The following NBEAL1 variants were observed in gnomAD, a reference collection of about 807,000 sequenced individuals.
NBEAL1 encodes the protein neurobeachin-like protein 1.
Under a neutral mutation model 351.3 loss-of-function variants are expected in NBEAL1, and 273 were observed. The ratio of observed to expected loss-of-function variants is 0.78; its 90% confidence interval spans 0.70 to 0.86. NBEAL1 has a LOEUF of 0.86. NBEAL1 is among the 40% of genes least tolerant of loss of function. The pLI is 0.00. For synonymous variants in NBEAL1, 1,050 were observed against 1,086.4 expected (o/e 0.97, Z 0.66); for missense variants, 2,961 against 3,201.3 (o/e 0.92, Z 1.81).
At chr2:203,097,481 T>G in intron 10 of NBEAL1, 66 bp from the exon 11 acceptor site, 3 of 580,538 alleles carry the variant, frequency 5.2e-6, no homozygotes, top group Non-Finnish European at 6.5e-6. Context: ...CATTTAAGCT[T>G]CATTGCTGCT....
intron 38 of NBEAL1, among the ~76,000 whole-genome samples, chr2:203,167,744 A>G (rs918592199): frequency 1.3e-5 from 2 of 152,222 alleles, no homozygotes; most frequent in East Asian, 1.9e-4. Flanking sequence ...TGTTAAGTGC[A>G]TATGCTCTAA....
In NBEAL1 at chr2:203,202,569, A is replaced by G; in HGVS notation, c.7412-118A>G. ...AATGCTTTTCCAGTACCATGTCTAC[A>G]TTCCTCCCTGTTGGCATAACTGATT... On this transcript the variant is annotated intron_variant, in intron 50 of 55. Coordinates refer to ENST00000683969, the MANE Select transcript of NBEAL1 (RefSeq NM_001378026.1). 2.1e-5 allele frequency: 14 copies of G among 674,706 alleles called. No individual in the cohort carries two copies. In the South Asian group the frequency reaches 2.2e-4, roughly 11 times the overall value. 41.8% of individuals were successfully genotyped at this position (674,706 alleles called of 1,614,324 possible).
intron 36 of NBEAL1, among the ~76,000 whole-genome samples, chr2:203,164,815 G>T (rs1253398327): frequency 1.3e-5 from 2 of 150,958 alleles, no homozygotes. Context: ...TGGCTTAAAA[G>T]ATTTACTTGA....
At chr2:203,019,807 G>T (rs1028504591) in intron 2 of NBEAL1, among the ~76,000 whole-genome samples, 5 of 152,100 alleles carry the variant, frequency 3.3e-5, no homozygotes, top group Non-Finnish European at 7.4e-5. Context: ...AATGCTAAAA[G>T]AACGCTAATG....
intron 25 of NBEAL1, among the ~76,000 whole-genome samples, chr2:203,131,140 A>G (rs959801874): frequency 6.6e-6 from 1 of 152,228 alleles, no homozygotes; most frequent in East Asian, 1.9e-4. Context: ...TTAATTTGCC[A>G]TGTAATTAAA....
At chr2:203,095,335 AC>A (rs2062159377) in intron 10 of NBEAL1, among the ~76,000 whole-genome samples, 1 of 151,728 alleles carries the variant, frequency 6.6e-6, no homozygotes, top group Non-Finnish European at 1.5e-5. Flanking sequence ...GCTCTTGTTG[AC>A]CAGGCTGGAG....
At chr2:203,141,341 G>GATGATT (rs2063362119) in intron 31 of NBEAL1, among the ~76,000 whole-genome samples, 2 of 38,660 alleles carry the variant, frequency 5.2e-5, no homozygotes, top group African/African-American at 1.9e-4. Flanking sequence ...AGATAAGACA[G>GATGATT]ATTATTATTA....
At chr2:203,197,495 A>G (rs781571963) in intron 48 of NBEAL1, 104 bp downstream of exon 48, 9 of 704,598 alleles carry the variant, frequency 1.3e-5, no homozygotes, top group South Asian at 1.2e-4. Context: ...TTGGCTGTGC[A>G]TGGTGGTTCA....
At chr2:203,105,100 A>AC (rs1380054904) in intron 12 of NBEAL1, among the ~76,000 whole-genome samples, 2 of 150,626 alleles carry the variant, frequency 1.3e-5, no homozygotes, top group Non-Finnish European at 3.0e-5. Context: ...CTCGTGATCT[A>AC]CCCCCCTCAG....
chr2:203,070,021 T>C (rs1463960095), intron 7 of NBEAL1, among the ~76,000 whole-genome samples: 1 of 152,220 alleles, frequency 6.6e-6, no homozygotes. Context: ...TAATTTGTTT[T>C]TGTATATTGA....
At chr2:203,078,130 A>G (rs577333773) in intron 8 of NBEAL1, among the ~76,000 whole-genome samples, 85 of 152,304 alleles carry the variant, frequency 5.6e-4, no homozygotes, top group African/African-American at 1.9e-3. Flanking sequence ...GAGGAAGTCA[A>G]CCTCATCAGT....
Position 203,077,737 on chromosome 2 carries a change from A to G in NBEAL1, c.599-15A>G, listed in dbSNP as rs781555946. 4.1e-6 allele frequency: 5 copies of G among 1,221,492 alleles called. No individual in the cohort carries two copies. Among genetic ancestry groups the G allele is most frequent in the Non-Finnish European group, 5.5e-6 (5 of 911,048 alleles). The allele number at this position is 1,221,492 out of a possible 1,614,324, so 75.7% of individuals were successfully genotyped here. A position where few individuals can be genotyped will look rare whatever the true frequency, so the allele number is the denominator to read the frequency against. ...ACAAATCTTATTTATTTATTTATTTATTTATTATTTACAGAATGTTTTCAG... is the reference window on the plus strand; with the variant it reads ...ACAAATCTTATTTATTTATTTATTTGTTTATTATTTACAGAATGTTTTCAG... On this transcript the variant is annotated splice_polypyrimidine_tract_variant and intron_variant, in intron 7 of 55. Coordinates refer to ENST00000683969, the MANE Select transcript of NBEAL1 (RefSeq NM_001378026.1).
chr2:203,164,576 C>T (rs2064074722), intron 36 of NBEAL1, among the ~76,000 whole-genome samples: 1 of 151,862 alleles, frequency 6.6e-6, no homozygotes, highest in African/African-American at 2.4e-5. Context: ...ACTCATGGCT[C>T]TATTTATCAC....
intron 2 of NBEAL1, among the ~76,000 whole-genome samples, chr2:203,030,973 ATC>A (rs2060940861): frequency 6.6e-6 from 1 of 152,222 alleles, no homozygotes; most frequent in Non-Finnish European, 1.5e-5. Context: ...TGTTGTTGCT[ATC>A]TCAGAAAAAA....
At chr2:203,064,219 A>G (rs554067136) in intron 6 of NBEAL1, among the ~76,000 whole-genome samples, 1 of 152,044 alleles carries the variant, frequency 6.6e-6, no homozygotes, top group Non-Finnish European at 1.5e-5. Flanking sequence ...ATGCCCAGCA[A>G]ATTTTTTATT....
At position 203,217,255 on chromosome 2, in the gene NBEAL1, G is replaced by C. The variant is rs76680628; in HGVS notation, c.8073G>C (p.Met2691Ile). Reference protein sequence around the residue: ...IVVGVGKPAEMRSGQLSRKFW... With the variant: ...IVVGVGKPAEIRSGQLSRKFW... ...TTTCTTTGGATTACTTTACACAGAT[G>C]CGTTCAGGTCAGCTTTCTCGAAAAT... Residue 2691 changes from methionine (M) to isoleucine (I), a missense_variant and splice_region_variant, in exon 56 of 56, where the codon ATG (methionine) becomes ATC (isoleucine). Coordinates refer to ENST00000683969, the MANE Select transcript of NBEAL1 (RefSeq NM_001378026.1). 1 of 1,567,886 alleles carries C rather than the reference G, an allele frequency of 6.4e-7. No individual in the cohort carries two copies. The highest frequency in any genetic ancestry group is 1.2e-5 in the South Asian group (1 of 82,712).
chr2:203,098,752 G>A (rs993476466), intron 11 of NBEAL1, among the ~76,000 whole-genome samples: 30 of 151,996 alleles, frequency 2.0e-4, no homozygotes, highest in Admixed American at 2.0e-3. Flanking sequence ...AATACTTAGA[G>A]ATACTTATTT....
chr2:203,111,575 T>C (rs560445178), intron 15 of NBEAL1, among the ~76,000 whole-genome samples: 1 of 152,130 alleles, frequency 6.6e-6, no homozygotes, highest in African/African-American at 2.4e-5. Flanking sequence ...TTTCACCATG[T>C]TGGCCAGGCT....
intron 35 of NBEAL1, among the ~76,000 whole-genome samples, chr2:203,155,679 C>T (rs982338603): frequency 6.6e-6 from 1 of 152,094 alleles, no homozygotes; most frequent in Non-Finnish European, 1.5e-5. Flanking sequence ...AATTTCTGGG[C>T]TCAAGTGATC....
Sources: allele counts gnomAD v4.1 joint callset (sites outside exome capture counted in the v4.1 genomes callset), GRCh38; gene constraint gnomAD v4.1.1; transcripts MANE v1.5; gene names NCBI Gene and HGNC (gene_info 2026-07-23, HGNC 2026-07-21).